Variants in RMND5A observed in about 807,000 individuals in gnomAD.
The protein encoded by RMND5A is required for meiotic nuclear division 5 homolog A.
RMND5A carries 17 observed loss-of-function variants against 49.7 expected under a neutral mutation model. The ratio of observed to expected loss-of-function variants is 0.34; its 90% CI spans 0.23 to 0.51. RMND5A has a LOEUF of 0.51. Ranked by LOEUF, RMND5A falls within the 20% of genes least tolerant of loss-of-function variation. RMND5A has a pLI of 0.96. For missense variants in RMND5A, 255 were observed against 471.3 expected (o/e 0.54, Z 4.25); for synonymous variants, 156 against 167.7 (o/e 0.93, Z 0.54).
intron 6 of RMND5A, among the ~76,000 whole-genome samples, chr2:86,767,425 C>CT (rs11468234): frequency 0.025 from 3,419 of 138,682 alleles, 57 homozygotes; most frequent in Non-Finnish European, 0.033. Flanking sequence ...TTTTGGCAGT[C>CT]TTTTTTTTTT....
Position 86,771,664 on chromosome 2 carries a change from G to A in RMND5A, c.1064G>A (p.Gly355Asp). Residue 355 changes from glycine to aspartate, a missense_variant, in exon 8 of 9, where the codon GGT becomes GAT. Physicochemically the swap from Gly to Asp is moderately conservative, Grantham distance 94. This residue lies in a region of RMND5A where 208 missense variants were observed against 339.8 expected (regional missense o/e 0.61). Transcript: ENST00000283632. ...DNNPPMKLVCGHIISRDALNK... is the reference protein window; with the variant it reads ...DNNPPMKLVCDHIISRDALNK... ...AATCCACCCATGAAATTGGTCTGTGGTCATATTATATCAAGAGATGCCCTG... is the reference window on the plus strand; with the variant it reads ...AATCCACCCATGAAATTGGTCTGTGATCATATTATATCAAGAGATGCCCTG... 6.2e-7 allele frequency: 1 copy of A among 1,613,534 alleles called. No individual in the cohort carries two copies. The highest frequency in any genetic ancestry group is 1.1e-5 in the South Asian group (1 of 91,038).
intron 4 of RMND5A, among the ~76,000 whole-genome samples, chr2:86,761,804 G>C (rs748592517): frequency 6.6e-6 from 1 of 152,136 alleles, no homozygotes; most frequent in Admixed American, 6.5e-5. Context: ...TCTTGGCAAG[G>C]AGTGGGGAGG....
intron 2 of RMND5A, chr2:86,748,128 G>A (rs925623409): frequency 4.6e-5 from 7 of 152,220 alleles, no homozygotes; most frequent in Non-Finnish European, 8.8e-5. Flanking sequence ...GGTTTGCAGT[G>A]CTGTGGATTT....
At chr2:86,744,082 TTAGCTCAGTTCCC>T (rs1296500457) in intron 2 of RMND5A, among the ~76,000 whole-genome samples, 5 of 152,150 alleles carry the variant, frequency 3.3e-5, no homozygotes, top group African/African-American at 1.2e-4. Flanking sequence ...CCTGGATCTT[TTAGCTCAGTTCCC>T]TAGTATCTTT....
Position 86,727,718 on chromosome 2 carries a change from G to A in RMND5A, c.142+6909G>A, listed in dbSNP as rs1402341309. On this transcript the variant is annotated intron_variant, in intron 1 of 8. Coordinates refer to ENST00000283632, the MANE Select transcript of RMND5A (RefSeq NM_022780.4). ...CTGAGCTATGTGTACTTGGAGACCC[G>A]TGGTACTTCCAGGAGATGATGCTCT... is the stretch of plus-strand genomic sequence containing the variant. 2.0e-4 allele frequency among the ~76,000 whole-genome samples: 15 copies of A among 74,654 alleles called. 4 individuals are homozygous for A. Among genetic ancestry groups the A allele is most frequent in the African/African-American group, 5.7e-4 (12 of 21,200 alleles). The allele number at this position is 74,654 out of a possible 152,430, so 49.0% of individuals were successfully genotyped here.
chr2:86,743,835 AAAAAAT>A (rs1166788264), intron 2 of RMND5A, among the ~76,000 whole-genome samples: 2 of 151,896 alleles, frequency 1.3e-5, no homozygotes, highest in African/African-American at 4.8e-5. Context: ...AAAATACAAA[AAAAAAT>A]TAGGCACATT....
chr2:86,755,300 A>G (rs1267538574), intron 4 of RMND5A, among the ~76,000 whole-genome samples: 2 of 152,142 alleles, frequency 1.3e-5, no homozygotes, highest in African/African-American at 4.8e-5. Flanking sequence ...TAAATATTTT[A>G]TAGAGACAGG....
rs925183811 is a variant in RMND5A at position 86,777,897 on chromosome 2, A to G, written c.*4486A>G. ...ATTTTAACTTTAAGAATTCTGATAT[A>G]TTTAATTTATAAATTTCGGACTGAT... On this transcript the variant is annotated 3_prime_UTR_variant, in exon 9 of 9. Transcript: ENST00000283632. 4 of 152,236 alleles carry G rather than the reference A, an allele frequency of 2.6e-5. No individual in the cohort carries two copies. The highest frequency in any genetic ancestry group is 2.9e-5 in the Non-Finnish European group (2 of 68,042). 9.4% of individuals were successfully genotyped at this position (152,236 alleles called of 1,614,324 possible).
intron 2 of RMND5A, among the ~76,000 whole-genome samples, chr2:86,742,634 C>T (rs1465856566): frequency 1.3e-5 from 2 of 151,752 alleles, no homozygotes; most frequent in African/African-American, 2.4e-5. Context: ...ACCCTCAGTT[C>T]CTCTAGAGGT....
chr2:86,772,796 T>C (rs936001531), intron 8 of RMND5A, among the ~76,000 whole-genome samples: 2 of 152,128 alleles, frequency 1.3e-5, no homozygotes, highest in African/African-American at 4.8e-5. Context: ...GGTTTCGCCA[T>C]GTCGCTCAGG....
chr2:86,757,995 G>C lies in RMND5A; in HGVS notation c.521+4437G>C, dbSNP rs550293892. Among the ~76,000 whole-genome samples the C allele has an allele frequency of 1.2e-3, 183 of 152,298 alleles. 1 individual carries two copies. Among genetic ancestry groups the C allele is most frequent in the African/African-American group, 4.3e-3 (177 of 41,564 alleles). ...CAAAGTTCTCAGGCTAAAATGTCCT[G>C]ATGCCATTATGTCCACCATGGAGGT... On this transcript the variant is annotated intron_variant, in intron 4 of 8. Coordinates refer to ENST00000283632, the MANE Select transcript of RMND5A (RefSeq NM_022780.4).
chr2:86,771,830 C>T (rs1672690101), intron 8 of RMND5A, 118 bp downstream of exon 8: 1 of 824,668 alleles, frequency 1.2e-6, no homozygotes, highest in Middle Eastern at 2.5e-4. Flanking sequence ...AAATAAATTT[C>T]TTAACTATTC....
chr2:86,776,904 CAT>C lies in RMND5A; in HGVS notation c.*3495_*3496del, dbSNP rs767715201. On this transcript the variant is annotated 3_prime_UTR_variant, in exon 9 of 9. Transcript: ENST00000283632. ...CTTGAGGGAATGTTAGCAAGGAACACATAGAAGATTTGGTGTTTCATAAGCCT... is the reference window on the plus strand; with the variant it reads ...CTTGAGGGAATGTTAGCAAGGAACACAGAAGATTTGGTGTTTCATAAGCCT... 5.3e-5 allele frequency: 8 copies of C among 152,260 alleles called. No individual in the cohort carries two copies. Among genetic ancestry groups the C allele is most frequent in the Admixed American group, 2.6e-4 (4 of 15,284 alleles). 9.4% of individuals were successfully genotyped at this position (152,260 alleles called of 1,614,324 possible).
intron 4 of RMND5A, among the ~76,000 whole-genome samples, chr2:86,762,324 G>A (rs1672501466): frequency 6.6e-6 from 1 of 152,072 alleles, no homozygotes; most frequent in Non-Finnish European, 1.5e-5. Flanking sequence ...TAAACATTCT[G>A]GTGTCTAAAA....
chr2:86,769,595 T>G (rs1433610270), intron 6 of RMND5A, among the ~76,000 whole-genome samples: 1 of 152,200 alleles, frequency 6.6e-6, no homozygotes, highest in African/African-American at 2.4e-5. Context: ...AAAGCTGCTT[T>G]CTTTTTTAAA....
chr2:86,769,586 A>G (rs1672655887), intron 6 of RMND5A, among the ~76,000 whole-genome samples: 1 of 152,190 alleles, frequency 6.6e-6, no homozygotes, highest in Non-Finnish European at 1.5e-5. Context: ...TGGTTCTCCA[A>G]AGCTGCTTTC....
chr2:86,749,014 A>G (rs996468854), intron 2 of RMND5A, among the ~76,000 whole-genome samples: 7 of 152,170 alleles, frequency 4.6e-5, no homozygotes, highest in African/African-American at 1.7e-4. Flanking sequence ...AGTTATGGGC[A>G]GGTTCCTGAG....
intron 4 of RMND5A, among the ~76,000 whole-genome samples, chr2:86,758,064 TC>T (rs778434621): frequency 3.3e-5 from 5 of 152,204 alleles, no homozygotes; most frequent in Non-Finnish European, 5.9e-5. Context: ...ATTCACTGAC[TC>T]CTTTTCTCAA....
chr2:86,720,821 C>G lies in RMND5A; in HGVS notation c.142+12C>G. The G allele has an allele frequency of 1.3e-6, 2 of 1,571,206 alleles. No homozygotes were observed. Among genetic ancestry groups the G allele is most frequent in the East Asian group, 2.3e-5 (1 of 42,670 alleles). ...CCTGCAGAGCCACGGTAGGGCGGCC[C>G]GCGTGGGCGCGCGGGGCATGGCCCA... On this transcript the variant is annotated intron_variant, in intron 1 of 8. Coordinates refer to ENST00000283632, the MANE Select transcript of RMND5A (RefSeq NM_022780.4).
Sources: allele counts gnomAD v4.1 joint callset (sites outside exome capture counted in the v4.1 genomes callset), GRCh38; gene constraint gnomAD v4.1.1; regional missense constraint gnomAD v4.1.1; transcripts MANE v1.5; gene names NCBI Gene and HGNC (gene_info 2026-07-23, HGNC 2026-07-21).